Variants in FOXP1 observed in about 807,000 individuals in gnomAD.
FOXP1 encodes forkhead box P1.
In FOXP1, 15 loss-of-function variants were observed where a neutral mutation model predicts 98.2. That is an observed-to-expected ratio of 0.15 (90% CI 0.10 to 0.24). The LOEUF (loss-of-function observed/expected upper bound fraction) is 0.24. Ranked by LOEUF, FOXP1 falls within the 10% of genes least tolerant of loss-of-function variation. The pLI, the probability that FOXP1 is intolerant of heterozygous loss-of-function variation, is 1.00. For missense variants in FOXP1, 633 were observed against 848.5 expected, an observed-to-expected ratio of 0.75 and a Z score of 3.15; for synonymous variants, 371 against 314.5, an observed-to-expected ratio of 1.18 and a Z score of -1.90.
At chr3:71,007,840 C>A (rs1380203039) in intron 12 of FOXP1, among the ~76,000 whole-genome samples, 1 of 152,182 alleles carries the variant, frequency 6.6e-6, no homozygotes, top group East Asian at 1.9e-4. Context: ...CTACTGTCTA[C>A]AGCCCTCGAC....
chr3:71,583,882 G>A (rs2048391756), upstream of FOXP1: 19 of 982,750 alleles, frequency 1.9e-5, no homozygotes, highest in African/African-American at 2.5e-4. Flanking sequence ...TCTACCTCCC[G>A]CAGGGGTCCC....
At chr3:71,351,709 C>T (rs551382870) in intron 4 of FOXP1, among the ~76,000 whole-genome samples, 23 of 152,236 alleles carry the variant, frequency 1.5e-4, no homozygotes, top group African/African-American at 2.9e-4. Context: ...TGCCCAGGTA[C>T]GGGACCAAAG....
At chr3:71,404,213 C>T (rs1229544137) in intron 3 of FOXP1, among the ~76,000 whole-genome samples, 6 of 148,264 alleles carry the variant, frequency 4.0e-5, no homozygotes, top group East Asian at 4.0e-4. Flanking sequence ...CCGCAACCTC[C>T]GCCTCCCAGG....
Position 71,311,685 on chromosome 3 carries a change from C to T in FOXP1, c.-72-11805G>A, listed in dbSNP as rs141944275. On this transcript the variant is annotated intron_variant, in intron 4 of 20. Transcript: ENST00000649528. ...ACCTCCAACAATCCTTCCCTTCAAA[C>T]TACCCAGTCTCCCAGAATTACCCAC... Among the ~76,000 whole-genome samples, 1,118 of 152,328 alleles carry T rather than the reference C, an allele frequency of 7.3e-3. 29 individuals carry two copies. The highest frequency in any genetic ancestry group is 4.7e-3 in the Non-Finnish European group (319 of 68,026).
intron 3 of FOXP1, among the ~76,000 whole-genome samples, chr3:71,383,465 T>C (rs962736940): frequency 6.6e-6 from 1 of 152,316 alleles, no homozygotes; most frequent in Admixed American, 6.5e-5. Context: ...TGAGAAAATG[T>C]TGGTATTTAG....
intron 3 of FOXP1, among the ~76,000 whole-genome samples, chr3:71,479,811 T>C (rs541227038): frequency 1.0e-3 from 155 of 152,234 alleles, no homozygotes; most frequent in Non-Finnish European, 1.8e-3. Flanking sequence ...CTAATCTTGG[T>C]TATGTTTACC....
chr3:71,004,149 A>G (rs548245751), intron 12 of FOXP1, among the ~76,000 whole-genome samples: 8 of 152,298 alleles, frequency 5.3e-5, no homozygotes, highest in Non-Finnish European at 1.2e-4. Flanking sequence ...GGAGAATTCA[A>G]ATGTTAGACA....
intron 6 of FOXP1, among the ~76,000 whole-genome samples, chr3:71,133,762 T>TG (rs1370907911): frequency 6.6e-6 from 1 of 152,084 alleles, no homozygotes; most frequent in Non-Finnish European, 1.5e-5. Flanking sequence ...GCTTGACTCT[T>TG]GGAGTTGAGT....
intron 3 of FOXP1, among the ~76,000 whole-genome samples, chr3:71,470,123 C>G (rs2089188568): frequency 6.6e-6 from 1 of 151,986 alleles, no homozygotes; most frequent in Non-Finnish European, 1.5e-5. Context: ...TTTTGAGTCT[C>G]TAGCTCCTAC....
At chr3:71,118,589 T>C (rs967584735) in intron 6 of FOXP1, among the ~76,000 whole-genome samples, 1 of 152,182 alleles carries the variant, frequency 6.6e-6, no homozygotes, top group Non-Finnish European at 1.5e-5. Context: ...AACTGACACA[T>C]GGAGGTCTTC....
chr3:71,459,897 T>C (rs533135676), intron 3 of FOXP1, among the ~76,000 whole-genome samples: 2 of 152,246 alleles, frequency 1.3e-5, no homozygotes, highest in South Asian at 2.1e-4. Flanking sequence ...TTACGTGCCA[T>C]TGGATCCTAA....
intron 5 of FOXP1, among the ~76,000 whole-genome samples, chr3:71,248,753 A>G (rs2067957385): frequency 1.3e-5 from 2 of 152,126 alleles, no homozygotes. Context: ...AAAAAAAAAA[A>G]AAAAATTCAG....
intron 5 of FOXP1, chr3:71,288,412 T>C (rs1233950782): frequency 1.3e-5 from 2 of 152,216 alleles, no homozygotes; most frequent in Non-Finnish European, 2.9e-5. Flanking sequence ...TCTGTGATGC[T>C]CTTAGGTAAT....
At chr3:71,149,345 A>G (rs2060465003) in intron 6 of FOXP1, among the ~76,000 whole-genome samples, 1 of 152,232 alleles carries the variant, frequency 6.6e-6, no homozygotes, top group African/African-American at 2.4e-5. Flanking sequence ...TATTGTATTT[A>G]ATAGAGTCTA....
intron 13 of FOXP1, among the ~76,000 whole-genome samples, chr3:70,996,145 C>G (rs1388781584): frequency 1.3e-5 from 2 of 152,148 alleles, no homozygotes; most frequent in Non-Finnish European, 2.9e-5. Flanking sequence ...TATCACTGTG[C>G]CTGGCTAATT....
At chr3:71,331,685 G>A (rs2076323121) in intron 4 of FOXP1, among the ~76,000 whole-genome samples, 1 of 152,100 alleles carries the variant, frequency 6.6e-6, no homozygotes, top group African/African-American at 2.4e-5. Context: ...TCTAGCTCAG[G>A]GTTTGTGACT....
At chr3:71,141,733 A>G (rs33999424) in intron 6 of FOXP1, among the ~76,000 whole-genome samples, 47,697 of 151,976 alleles carry the variant, frequency 0.31, 9,056 homozygotes, top group Middle Eastern at 0.42. Flanking sequence ...ATCAGCAATC[A>G]ACAAATCCAG....
At chr3:71,334,045 G>A (rs2076517187) in intron 4 of FOXP1, 1 of 152,148 alleles carries the variant, frequency 6.6e-6, no homozygotes, top group Admixed American at 6.5e-5. Context: ...GAAATTAAGA[G>A]AGAGAGAAGG....
intron 4 of FOXP1, among the ~76,000 whole-genome samples, chr3:71,301,535 CT>C (rs1426728140): frequency 6.6e-6 from 1 of 152,172 alleles, no homozygotes; most frequent in African/African-American, 2.4e-5. Flanking sequence ...CTTTTCCTCT[CT>C]CCTTTTTACT....
Sources: gnomAD v4.1 joint callset for allele counts (sites outside exome capture counted in the v4.1 genomes callset) on GRCh38, gnomAD v4.1.1 for gene constraint, MANE v1.5 for transcripts, NCBI Gene and HGNC (gene_info 2026-07-23, HGNC 2026-07-21) for gene names.